CNTNAP2: variants seen among roughly 807,000 people sequenced by gnomAD.
CNTNAP2 encodes the protein contactin-associated protein-like 2.
CNTNAP2 carries 98 observed loss-of-function variants against 155.2 expected under a neutral mutation model. The ratio of observed to expected loss-of-function variants is 0.63; its 90% CI spans 0.54 to 0.75. CNTNAP2 has a LOEUF of 0.75. CNTNAP2 is among the 30% of genes least tolerant of loss of function. The pLI is 0.00. For missense variants in CNTNAP2, 1,727 were observed against 1,688.1 expected, an observed-to-expected ratio of 1.02 and a Z score of -0.40; for synonymous variants, 651 against 631.2, an observed-to-expected ratio of 1.03 and a Z score of -0.47.
chr7:147,669,372 G>C (rs1156370852), intron 13 of CNTNAP2, among the ~76,000 whole-genome samples: 1 of 152,096 alleles, frequency 6.6e-6, no homozygotes, highest in East Asian at 1.9e-4. Flanking sequence ...ATGTTAAAAT[G>C]AACAGCCTTG....
intron 1 of CNTNAP2, among the ~76,000 whole-genome samples, chr7:146,150,160 G>A (rs1414904785): frequency 1.3e-5 from 2 of 152,204 alleles, no homozygotes; most frequent in African/African-American, 4.8e-5. Flanking sequence ...AACATTTAAT[G>A]TAATAAGTTA....
At chr7:146,412,011 T>C (rs1432151080) in intron 1 of CNTNAP2, among the ~76,000 whole-genome samples, 3 of 151,962 alleles carry the variant, frequency 2.0e-5, no homozygotes, top group Non-Finnish European at 1.5e-5. Flanking sequence ...TACTCTATTT[T>C]GAGTAGGGAT....
intron 1 of CNTNAP2, among the ~76,000 whole-genome samples, chr7:146,674,827 A>G (rs1359995107): frequency 6.6e-6 from 1 of 152,192 alleles, no homozygotes; most frequent in Admixed American, 6.5e-5. Flanking sequence ...GCTATTTAGT[A>G]AGGTTTGTTA....
intron 1 of CNTNAP2, among the ~76,000 whole-genome samples, chr7:146,720,913 C>CTT (rs1491505109): frequency 9.4e-5 from 13 of 137,878 alleles, no homozygotes; most frequent in African/African-American, 3.7e-4. Context: ...TATATATATA[C>CTT]TCTCTATATA....
Position 148,224,516 on chromosome 7 carries a change from A to C in CNTNAP2, c.3248-5130A>C, listed in dbSNP as rs528445458. ...TAAAGTAGCAGGAGGAATGCACATC[A>C]GACAGGGCATTGCAACCGCTATTTG... On this transcript the variant is annotated intron_variant, in intron 19 of 23. Transcript: ENST00000361727. Among the ~76,000 whole-genome samples the C allele has an allele frequency of 6.6e-5, 10 of 152,362 alleles. No individual in the cohort carries two copies. The South Asian group carries it at 1.2e-3, about 19-fold the overall frequency.
chr7:148,129,339 C>T (rs751114410), intron 16 of CNTNAP2, among the ~76,000 whole-genome samples: 2 of 152,056 alleles, frequency 1.3e-5, no homozygotes, highest in South Asian at 2.1e-4. Context: ...TTCTTTCATG[C>T]GATGCTCGAA....
chr7:147,786,333 G>A (rs1243813399), intron 13 of CNTNAP2, among the ~76,000 whole-genome samples: 1 of 151,754 alleles, frequency 6.6e-6, no homozygotes, highest in Non-Finnish European at 1.5e-5. Context: ...GGATGGGCAG[G>A]TCCTCACCAG....
At chr7:147,958,785 C>G (rs1299062423) in intron 14 of CNTNAP2, among the ~76,000 whole-genome samples, 1 of 152,128 alleles carries the variant, frequency 6.6e-6, no homozygotes, top group Non-Finnish European at 1.5e-5. Flanking sequence ...ACTGAAATTG[C>G]TATTTTTGTC....
intron 1 of CNTNAP2, among the ~76,000 whole-genome samples, chr7:146,362,798 G>A (rs1467709367): frequency 7.8e-6 from 1 of 128,626 alleles, no homozygotes; most frequent in African/African-American, 3.0e-5. Flanking sequence ...TTGAGACGGA[G>A]TCTCGCTCTG....
intron 9 of CNTNAP2, among the ~76,000 whole-genome samples, chr7:147,313,181 G>T (rs35584872): frequency 2.7e-5 from 4 of 150,868 alleles, no homozygotes; most frequent in African/African-American, 9.8e-5. Flanking sequence ...CAGATGAGCA[G>T]GTTGCAAAAC....
chr7:147,798,182 T>C (rs1797931188), intron 13 of CNTNAP2, among the ~76,000 whole-genome samples: 1 of 152,132 alleles, frequency 6.6e-6, no homozygotes, highest in Admixed American at 6.5e-5. Flanking sequence ...TTTTGCAAGA[T>C]TGATGGTGTA....
At chr7:147,772,182 T>G (rs1448086049) in intron 13 of CNTNAP2, among the ~76,000 whole-genome samples, 1 of 151,620 alleles carries the variant, frequency 6.6e-6, no homozygotes, top group Admixed American at 6.6e-5. Context: ...TCCCAGCACT[T>G]TGGGAGGCCA....
chr7:147,456,131 A>C (rs541374349), intron 10 of CNTNAP2, among the ~76,000 whole-genome samples: 16 of 152,266 alleles, frequency 1.1e-4, no homozygotes, highest in Admixed American at 3.3e-4. Flanking sequence ...TATCTCCATC[A>C]AAAGCAGTAT....
At chr7:147,658,133 T>C (rs1311527919) in intron 13 of CNTNAP2, among the ~76,000 whole-genome samples, 4 of 141,960 alleles carry the variant, frequency 2.8e-5, no homozygotes, top group Admixed American at 7.7e-5. Flanking sequence ...GGCGGGCGCC[T>C]GTGGTCCCAG....
At chr7:146,938,661 T>C (rs1340320468) in intron 3 of CNTNAP2, among the ~76,000 whole-genome samples, 2 of 152,036 alleles carry the variant, frequency 1.3e-5, no homozygotes, top group Non-Finnish European at 2.9e-5. Flanking sequence ...CTGATTGCCA[T>C]GTAAAAATAT....
At chr7:146,723,148 G>C (rs1801368366) in intron 1 of CNTNAP2, among the ~76,000 whole-genome samples, 1 of 152,172 alleles carries the variant, frequency 6.6e-6, no homozygotes, top group Admixed American at 6.5e-5. Context: ...ACTAATTTAA[G>C]TTGACTGGTG....
At chr7:146,787,355 A>G (rs1332802852) in intron 2 of CNTNAP2, among the ~76,000 whole-genome samples, 2 of 152,086 alleles carry the variant, frequency 1.3e-5, no homozygotes, top group African/African-American at 2.4e-5. Context: ...TAAAGAGGGT[A>G]TATCCGGAGT....
At chr7:146,764,344 G>C (rs567198376) in intron 1 of CNTNAP2, among the ~76,000 whole-genome samples, 5 of 152,228 alleles carry the variant, frequency 3.3e-5, no homozygotes, top group African/African-American at 9.6e-5. Flanking sequence ...CCTCTGCCTA[G>C]CTCCTGGGTG....
chr7:148,016,370 G>A (rs1299225958), intron 15 of CNTNAP2, among the ~76,000 whole-genome samples: 2 of 152,170 alleles, frequency 1.3e-5, no homozygotes, highest in East Asian at 1.9e-4. Flanking sequence ...CTTCCCACAT[G>A]TGCCTTCTCC....
Sources: allele counts gnomAD v4.1 joint callset (sites outside exome capture counted in the v4.1 genomes callset), GRCh38; gene constraint gnomAD v4.1.1; transcripts MANE v1.5; gene names NCBI Gene and HGNC (gene_info 2026-07-23, HGNC 2026-07-21).